CNTNAP2: variants seen among roughly 807,000 people sequenced by gnomAD.
CNTNAP2 encodes contactin associated protein 2.
A neutral mutation model predicts 155.2 loss-of-function variants in CNTNAP2; 98 were observed. The observed-to-expected ratio is 0.63, with a 90% CI of 0.54 to 0.75. CNTNAP2 has a LOEUF of 0.75. Ranked by LOEUF, CNTNAP2 falls within the 30% of genes least tolerant of loss-of-function variation. CNTNAP2 has a pLI of 0.00. For synonymous variants in CNTNAP2, 651 were observed against 631.2 expected (o/e 1.03, Z -0.47); for missense variants, 1,727 against 1,688.1 (o/e 1.02, Z -0.40).
chr7:146,859,686 A>C lies in CNTNAP2; in HGVS notation c.402+19782A>C, dbSNP rs530737848. ...AAAAAAAAAAATATATATAATCCTA[A>C]CTCTGAGTCTGAGACCTACCCTGAC... On this transcript the variant is annotated intron_variant, in intron 3 of 23. Transcript: ENST00000361727. 2.6e-5 allele frequency among the ~76,000 whole-genome samples: 4 copies of C among 151,918 alleles called. No homozygotes were observed. The South Asian group carries it at 8.3e-4, about 32-fold the overall frequency.
At chr7:147,046,289 C>A (rs915712717) in intron 4 of CNTNAP2, among the ~76,000 whole-genome samples, 1 of 151,894 alleles carries the variant, frequency 6.6e-6, no homozygotes, top group Non-Finnish European at 1.5e-5. Flanking sequence ...ACTCCTTAAA[C>A]ATAAAAATTC....
chr7:148,379,867 C>T (rs983610059), intron 21 of CNTNAP2, among the ~76,000 whole-genome samples: 4 of 152,222 alleles, frequency 2.6e-5, no homozygotes, highest in African/African-American at 9.6e-5. Context: ...GTGCCCTTTT[C>T]TCTTTCATTT....
At chr7:146,381,412 C>G (rs971570253) in intron 1 of CNTNAP2, among the ~76,000 whole-genome samples, 2 of 152,116 alleles carry the variant, frequency 1.3e-5, no homozygotes, top group African/African-American at 2.4e-5. Flanking sequence ...AGAAAGACTA[C>G]TAACTTTAGA....
chr7:146,247,824 G>A (rs1799687156), intron 1 of CNTNAP2, among the ~76,000 whole-genome samples: 1 of 152,168 alleles, frequency 6.6e-6, no homozygotes, highest in African/African-American at 2.4e-5. Flanking sequence ...GAGGAATGGA[G>A]GGTGGATGGT....
At chr7:147,633,957 A>C (rs535365391) in intron 12 of CNTNAP2, among the ~76,000 whole-genome samples, 1 of 152,176 alleles carries the variant, frequency 6.6e-6, no homozygotes, top group South Asian at 2.1e-4. Flanking sequence ...TCAAAAAATA[A>C]CAGGTGGCAT....
At chr7:147,378,068 T>A in intron 9 of CNTNAP2, 1 of 465,774 alleles carries the variant, frequency 2.1e-6, no homozygotes. Flanking sequence ...TTGTCATTAC[T>A]TTTAATGGCA....
rs727503876 is a variant in CNTNAP2, at chr7:148,229,733, C to T, written c.3335C>T (p.Pro1112Leu). The T allele has an allele frequency of 2.5e-6, 4 of 1,613,950 alleles. No individual in the cohort carries two copies. Among genetic ancestry groups the T allele is most frequent in the African/African-American group, 1.3e-5 (1 of 74,908 alleles). ...VDHRNMANGQPHSVNITRHEK... is the reference protein window; with the variant it reads ...VDHRNMANGQLHSVNITRHEK... ...CACAGGAACATGGCCAATGGACAGC[C>T]CCACAGTGTCAACATCACCCGCCAC... Residue 1112 changes from proline (P) to leucine (L), a missense_variant, in exon 20 of 24, where the codon CCC becomes CTC. By Grantham distance (98) the Pro-to-Leu change is moderately conservative. Transcript: ENST00000361727.
intron 1 of CNTNAP2, among the ~76,000 whole-genome samples, chr7:146,639,686 G>A (rs897427403): frequency 2.0e-5 from 3 of 152,204 alleles, no homozygotes; most frequent in African/African-American, 4.8e-5. Flanking sequence ...ACAGTAGTTA[G>A]CAATTGCTGA....
chr7:146,748,366 G>A (rs546340898), intron 1 of CNTNAP2, among the ~76,000 whole-genome samples: 6 of 151,702 alleles, frequency 4.0e-5, no homozygotes, highest in Admixed American at 3.3e-4. Context: ...AGGATGGTCT[G>A]GATCTCCTGA....
intron 15 of CNTNAP2, among the ~76,000 whole-genome samples, chr7:148,072,908 A>G (rs571322409): frequency 1.4e-4 from 22 of 152,244 alleles, no homozygotes; most frequent in Admixed American, 6.5e-4. Context: ...GGGTTTTGCC[A>G]TATTGGCCAG....
At chr7:148,273,149 C>T (rs774278900) in intron 21 of CNTNAP2, among the ~76,000 whole-genome samples, 6 of 152,156 alleles carry the variant, frequency 3.9e-5, no homozygotes, top group African/African-American at 1.2e-4. Context: ...AAAGGCTAAA[C>T]GGAAATGTGC....
At chr7:148,313,450 G>C (rs1429516179) in intron 21 of CNTNAP2, among the ~76,000 whole-genome samples, 3 of 150,086 alleles carry the variant, frequency 2.0e-5, no homozygotes, top group African/African-American at 7.3e-5. Flanking sequence ...ATGGGACATG[G>C]CTTAGGAGGA....
At chr7:147,007,253 C>G (rs945973723) in intron 3 of CNTNAP2, among the ~76,000 whole-genome samples, 2 of 152,112 alleles carry the variant, frequency 1.3e-5, no homozygotes, top group Admixed American at 6.6e-5. Context: ...TCAGTGAGGG[C>G]TGGATAAGCC....
At chr7:146,579,372 G>A (rs1584990908) in intron 1 of CNTNAP2, among the ~76,000 whole-genome samples, 1 of 152,036 alleles carries the variant, frequency 6.6e-6, no homozygotes, top group East Asian at 1.9e-4. Flanking sequence ...AAGATGGATT[G>A]TATTGATGAT....
intron 15 of CNTNAP2, among the ~76,000 whole-genome samples, chr7:148,058,205 T>C (rs1023821124): frequency 1.6e-4 from 25 of 152,214 alleles, no homozygotes; most frequent in Admixed American, 7.2e-4. Context: ...CAGGTGAAGC[T>C]AGTCTTTCAT....
At chr7:146,669,642 G>A (rs2642523) in intron 1 of CNTNAP2, among the ~76,000 whole-genome samples, 122,765 of 151,814 alleles carry the variant, frequency 0.81, 50,235 homozygotes, top group South Asian at 0.91. Flanking sequence ...ATACCTAAAG[G>A]ACTCCTTTGG....
chr7:146,569,552 GATTATTAGCTCAGCAC>G (rs1798410419), intron 1 of CNTNAP2, among the ~76,000 whole-genome samples: 1 of 152,126 alleles, frequency 6.6e-6, no homozygotes, highest in Non-Finnish European at 1.5e-5. Context: ...CCAACGCTCT[GATTATTAGCTCAGCAC>G]CTCTATGGTA....
At chr7:146,678,486 T>A (rs1800443833) in intron 1 of CNTNAP2, among the ~76,000 whole-genome samples, 1 of 152,292 alleles carries the variant, frequency 6.6e-6, no homozygotes, top group South Asian at 2.1e-4. Flanking sequence ...CAATTATTTA[T>A]ATTTTTAATG....
intron 4 of CNTNAP2, among the ~76,000 whole-genome samples, chr7:147,045,076 A>G (rs1490682899): frequency 1.3e-5 from 2 of 152,146 alleles, no homozygotes; most frequent in East Asian, 1.9e-4. Flanking sequence ...CAAAATATGA[A>G]TTCCCTAGTA....
Sources: gnomAD v4.1 joint callset for allele counts (sites outside exome capture counted in the v4.1 genomes callset) on GRCh38, gnomAD v4.1.1 for gene constraint, MANE v1.5 for transcripts, NCBI Gene and HGNC (gene_info 2026-07-23, HGNC 2026-07-21) for gene names.